Variants in ACSM2A observed in about 807,000 individuals in gnomAD.
The protein encoded by ACSM2A is acyl-coenzyme A synthetase ACSM2A, mitochondrial.
ACSM2A carries 72 observed loss-of-function variants against 76.6 expected under a neutral mutation model. The observed-to-expected ratio is 0.94, with a 90% CI of 0.78 to 1.14. ACSM2A has a LOEUF of 1.14. Among genes scored for constraint, ACSM2A ranks in the 50% most tolerant of loss-of-function variants. The pLI is 0.00. For missense variants in ACSM2A, 684 were observed against 708.5 expected (o/e 0.97, Z 0.39); for synonymous variants, 249 against 255.9 (o/e 0.97, Z 0.26).
intron 10 of ACSM2A, among the ~76,000 whole-genome samples, chr16:20,480,001 C>A (rs2013991157): frequency 6.6e-6 from 1 of 152,160 alleles, no homozygotes; most frequent in Non-Finnish European, 1.5e-5. Flanking sequence ...AGTCTGGAGC[C>A]CATGCCCCTA....
At chr16:20,472,340 C>T (rs199901728) in intron 6 of ACSM2A, among the ~76,000 whole-genome samples, 224 of 142,664 alleles carry the variant, frequency 1.6e-3, no homozygotes, top group African/African-American at 3.8e-3. Context: ...TCCTGGCTTG[C>T]TGATGGCTCC....
intron 1 of ACSM2A, among the ~76,000 whole-genome samples, chr16:20,457,372 T>G (rs1391775713): frequency 6.6e-6 from 1 of 152,008 alleles, no homozygotes; most frequent in Non-Finnish European, 1.5e-5. Flanking sequence ...GAAAGAAAAC[T>G]ACAGACCAAT....
Position 20,469,752 on chromosome 16 carries a change from A to T in ACSM2A, c.596+33A>T, listed in dbSNP as rs372227951. The T allele has an allele frequency of 3.4e-5, 55 of 1,612,766 alleles. No homozygotes were observed. In the African/African-American group the frequency reaches 6.8e-4, roughly 20 times the overall value. ...TCTACATGTCTCAGCCTGGGTTTTA[A>T]CTAAAACTGGAAACAGAGCCAAGCA... On this transcript the variant is annotated intron_variant, in intron 4 of 13. Transcript: ENST00000573854.
chr16:20,458,709 C>T (rs2012368032), intron 1 of ACSM2A, among the ~76,000 whole-genome samples: 1 of 139,498 alleles, frequency 7.2e-6, no homozygotes, highest in South Asian at 2.2e-4. Flanking sequence ...TATATATCAT[C>T]TTCCATGAAG....
Position 20,480,914 on chromosome 16 carries a change from G to A in ACSM2A, c.1502G>A (p.Arg501Gln), listed in dbSNP as rs768256697. The change falls in exon 12 of 14, where the codon CGA becomes CAA. Residue 501 changes from arginine to glutamine, a missense_variant. By Grantham distance (43) the Arg-to-Gln change is conservative. This residue lies in a region of ACSM2A where 159 missense variants were observed against 132.5 expected (regional missense o/e 1.20). Transcript: ENST00000573854. ...TAVISSPDPVRGEVVKAFVVL... is the reference protein window; with the variant it reads ...TAVISSPDPVQGEVVKAFVVL... ...GTGATCAGCAGCCCAGACCCCGTCC[G>A]AGGAGAGGTGATGGGGAAGCAGTAG... The A allele has an allele frequency of 1.7e-5, 27 of 1,613,782 alleles. No homozygotes were observed. Among genetic ancestry groups the A allele is most frequent in the Middle Eastern group, 1.6e-4 (1 of 6,078 alleles).
In ACSM2A at chr16:20,458,917, T is replaced by TAC. The variant is rs1408023265; in HGVS notation, c.-8-1189_-8-1188insCA. Among the ~76,000 whole-genome samples, 10 of 62,472 alleles carry TAC rather than the reference T, an allele frequency of 1.6e-4. No homozygotes were observed. The South Asian group carries it at 4.1e-3, about 26-fold the overall frequency. The allele number at this position is 62,472 out of a possible 152,430, so 41.0% of individuals were successfully genotyped here. On this transcript the variant is annotated intron_variant, in intron 1 of 13. Coordinates refer to ENST00000573854, the MANE Select transcript of ACSM2A (RefSeq NM_001308172.2). ...TTATATATATATGCATATATATATA[T>TAC]ATATATATATATATACATATATATA...
chr16:20,470,850 G>C (rs766982138), intron 4 of ACSM2A: 1 of 723,212 alleles, frequency 1.4e-6, no homozygotes, highest in South Asian at 1.5e-5. Flanking sequence ...TAAATAAGTA[G>C]TTTAAGGTTG....
At chr16:20,455,442 A>G (rs1050583276) in intron 1 of ACSM2A, among the ~76,000 whole-genome samples, 10 of 151,484 alleles carry the variant, frequency 6.6e-5, no homozygotes, top group Non-Finnish European at 1.0e-4. Flanking sequence ...GATTAACAGC[A>G]GATTTCTCAG....
At chr16:20,477,981 C>G (rs1218128270) in intron 9 of ACSM2A, among the ~76,000 whole-genome samples, 2 of 152,046 alleles carry the variant, frequency 1.3e-5, no homozygotes, top group African/African-American at 4.8e-5. Flanking sequence ...TTTTTGAGAA[C>G]TAGAATTTGT....
At chr16:20,475,603 T>G (rs759682930) in intron 7 of ACSM2A, 47 bp from the exon 8 acceptor site, 2 of 1,612,484 alleles carry the variant, frequency 1.2e-6, no homozygotes, top group East Asian at 4.5e-5. Context: ...CTGAGTGGAC[T>G]TTGGTTCCAG....
At chr16:20,482,993 C>A in intron 12 of ACSM2A, 65 bp from the exon 13 acceptor site, 1 of 1,582,706 alleles carries the variant, frequency 6.3e-7, no homozygotes, top group South Asian at 1.1e-5. Context: ...ATGCCAATTT[C>A]ACATTATTCC....
chr16:20,487,118 G>T lies in ACSM2A; in HGVS notation c.*440G>T, dbSNP rs1792223468. Reference sequence around the variant, plus strand: ...TAAAGAGAGAAAGAGAAAGAAGAAAGAGCAAAAGAACACAAGAAAGAAAGA... The same window carrying T: ...TAAAGAGAGAAAGAGAAAGAAGAAATAGCAAAAGAACACAAGAAAGAAAGA... On this transcript the variant is annotated 3_prime_UTR_variant, in exon 14 of 14. Coordinates refer to ENST00000573854, the MANE Select transcript of ACSM2A (RefSeq NM_001308172.2). The T allele has an allele frequency of 6.6e-6, 1 of 151,346 alleles. No homozygotes were observed. The allele number at this position is 151,346 out of a possible 1,614,324, so 9.4% of individuals were successfully genotyped here.
At chr16:20,463,510 A>G (rs1473416643) in intron 2 of ACSM2A, among the ~76,000 whole-genome samples, 2 of 151,860 alleles carry the variant, frequency 1.3e-5, no homozygotes, top group Admixed American at 6.6e-5. Context: ...TTTAACATAC[A>G]TGGCACTTCC....
At chr16:20,452,736 T>A (rs1478344489) in intron 1 of ACSM2A, among the ~76,000 whole-genome samples, 1 of 150,234 alleles carries the variant, frequency 6.7e-6, no homozygotes, top group Non-Finnish European at 1.5e-5. Context: ...TTGGGGTTTC[T>A]GGAGTTGGTG....
At chr16:20,459,688 A>G (rs2012485122) in intron 1 of ACSM2A, among the ~76,000 whole-genome samples, 1 of 152,198 alleles carries the variant, frequency 6.6e-6, no homozygotes, top group Non-Finnish European at 1.5e-5. Context: ...GCCAAAGTCA[A>G]TGAGAGGTGG....
intron 1 of ACSM2A, among the ~76,000 whole-genome samples, chr16:20,454,874 C>G (rs530929817): frequency 6.8e-6 from 1 of 147,050 alleles, no homozygotes; most frequent in Non-Finnish European, 1.5e-5. Context: ...CAAAGAGGCA[C>G]CAGAAAAGCT....
intron 3 of ACSM2A, 48 bp from the exon 4 acceptor site, chr16:20,469,464 A>G (rs2141719344): frequency 6.2e-7 from 1 of 1,608,874 alleles, no homozygotes; most frequent in East Asian, 2.2e-5. Flanking sequence ...TTCTCTAGGG[A>G]CAAAGAAAAT....
intron 4 of ACSM2A, 105 bp from the exon 5 acceptor site, chr16:20,470,968 T>A: frequency 1.4e-6 from 2 of 1,445,302 alleles, no homozygotes; most frequent in Non-Finnish European, 1.9e-6. Context: ...GGTGGGTCCA[T>A]CAACTTGCCC....
chr16:20,458,339 T>C (rs1483543392), intron 1 of ACSM2A, among the ~76,000 whole-genome samples: 5 of 147,546 alleles, frequency 3.4e-5, no homozygotes, highest in African/African-American at 2.5e-5. Context: ...ATATATACTA[T>C]ATATTATATA....
Sources: allele counts gnomAD v4.1 joint callset (sites outside exome capture counted in the v4.1 genomes callset), GRCh38; gene constraint gnomAD v4.1.1; regional missense constraint gnomAD v4.1.1; transcripts MANE v1.5; gene names NCBI Gene and HGNC (gene_info 2026-07-23, HGNC 2026-07-21).